The following BARD1 variants were observed in gnomAD, a reference collection of about 807,000 sequenced individuals.
BARD1 encodes the protein BRCA1-associated RING domain protein 1.
BARD1 carries 73 observed loss-of-function variants against 77.0 expected under a neutral mutation model. That is an observed-to-expected ratio of 0.95 (90% confidence interval 0.79 to 1.15). The LOEUF is 1.15. Ranked by LOEUF, BARD1 falls within the 50% of genes most tolerant of loss-of-function variation. The pLI is 0.00. For synonymous variants in BARD1, 384 were observed against 338.0 expected (o/e 1.14, Z -1.49); for missense variants, 993 against 938.8 (o/e 1.06, Z -0.75).
intron 4 of BARD1, among the ~76,000 whole-genome samples, chr2:214,777,496 T>C (rs1694786042): frequency 6.6e-6 from 1 of 152,198 alleles, no homozygotes; most frequent in Admixed American, 6.5e-5. Flanking sequence ...CTATAGAAAC[T>C]GCAAGTTTAC....
Position 214,767,443 on chromosome 2 carries a change from G to C in BARD1, c.1568+39C>G, listed in dbSNP as rs376144135. On this transcript the variant is annotated intron_variant, in intron 6 of 10. Transcript: ENST00000260947. ...TCACACACCTTGATTCAAGAATATA[G>C]GTCCATTTTAAAAATAATTTTTACG... 1.1e-4 allele frequency: 167 copies of C among 1,584,336 alleles called. No individual in the cohort carries two copies. Among genetic ancestry groups the C allele is most frequent in the Non-Finnish European group, 2.6e-5 (30 of 1,153,698 alleles).
At chr2:214,799,088 G>A (rs1695892854) in intron 1 of BARD1, among the ~76,000 whole-genome samples, 1 of 152,136 alleles carries the variant, frequency 6.6e-6, no homozygotes, top group Non-Finnish European at 1.5e-5. Context: ...CTGCACTCCA[G>A]ACTGGGTGAC....
intron 6 of BARD1, among the ~76,000 whole-genome samples, chr2:214,754,236 C>T (rs1693591698): frequency 6.6e-6 from 1 of 151,170 alleles, no homozygotes; most frequent in Admixed American, 6.6e-5. Flanking sequence ...ACAACAACAA[C>T]ATATAATGGC....
At chr2:214,774,346 T>C (rs1178280950) in intron 4 of BARD1, among the ~76,000 whole-genome samples, 2 of 152,230 alleles carry the variant, frequency 1.3e-5, no homozygotes, top group Non-Finnish European at 2.9e-5. Flanking sequence ...ACAACAGCTA[T>C]AGCCTTACAA....
intron 8 of BARD1, 122 bp from the exon 9 acceptor site, chr2:214,745,281 T>A (rs1693050486): frequency 1.2e-6 from 1 of 826,722 alleles, no homozygotes; most frequent in Non-Finnish European, 2.0e-6. Context: ...GGCAACAATT[T>A]TTACACTTAA....
At chr2:214,801,050 G>A (rs1432972563) in intron 1 of BARD1, among the ~76,000 whole-genome samples, 2 of 152,118 alleles carry the variant, frequency 1.3e-5, no homozygotes, top group African/African-American at 2.4e-5. Context: ...AAAGACAAAA[G>A]ATGTTTCTGA....
intron 4 of BARD1, among the ~76,000 whole-genome samples, chr2:214,776,181 T>C (rs1006653446): frequency 6.6e-6 from 1 of 152,146 alleles, no homozygotes. Flanking sequence ...GCATAAATTA[T>C]GAGTAGTCAT....
chr2:214,784,381 A>T (rs1695175261), intron 3 of BARD1, among the ~76,000 whole-genome samples: 1 of 152,170 alleles, frequency 6.6e-6, no homozygotes, highest in Admixed American at 6.5e-5. Flanking sequence ...GAAACAACAG[A>T]TGCTGGAGAG....
chr2:214,794,612 C>T (rs921987715), intron 2 of BARD1, among the ~76,000 whole-genome samples: 11 of 151,914 alleles, frequency 7.2e-5, no homozygotes, highest in African/African-American at 1.9e-4. Flanking sequence ...CAGTTTTGTA[C>T]GGTAAATGCA....
intron 9 of BARD1, among the ~76,000 whole-genome samples, chr2:214,733,934 G>C (rs371274045): frequency 6.6e-6 from 1 of 152,088 alleles, no homozygotes; most frequent in Admixed American, 6.5e-5. Context: ...CTTATACATA[G>C]ACAAACATGA....
chr2:214,795,263 A>G (rs1695707924), intron 2 of BARD1, among the ~76,000 whole-genome samples: 1 of 152,190 alleles, frequency 6.6e-6, no homozygotes. Flanking sequence ...AATCTGGCAT[A>G]AGTACATTTC....
At chr2:214,772,090 A>G (rs746220518) in intron 4 of BARD1, among the ~76,000 whole-genome samples, 4 of 152,050 alleles carry the variant, frequency 2.6e-5, no homozygotes, top group African/African-American at 4.8e-5. Context: ...CCTCAGCCTC[A>G]GCAGTATGCT....
chr2:214,787,334 C>A (rs1695318475), intron 3 of BARD1, among the ~76,000 whole-genome samples: 1 of 151,826 alleles, frequency 6.6e-6, no homozygotes, highest in South Asian at 2.1e-4. Context: ...GATATGAACA[C>A]AATTTTACTA....
chr2:214,732,535 ACAGGCGCCC>A (rs1692402702), intron 9 of BARD1, among the ~76,000 whole-genome samples: 1 of 152,002 alleles, frequency 6.6e-6, no homozygotes, highest in Non-Finnish European at 1.5e-5. Context: ...AGCTGGGACT[ACAGGCGCCC>A]GCCACCATGT....
chr2:214,752,941 T>C (rs568150537), intron 6 of BARD1, among the ~76,000 whole-genome samples: 12 of 152,260 alleles, frequency 7.9e-5, no homozygotes, highest in African/African-American at 2.9e-4. Context: ...ATTAGATAAA[T>C]TCACAGGACA....
rs148460292 is a variant in BARD1 at position 214,768,773 on chromosome 2, A to C, written c.1395+459T>G. ...CCTTTAAAAATGTTTAATGTAAGCA[A>C]AGATTTCTACTGCCTTATATATCTA... is the stretch of plus-strand genomic sequence containing the variant. On this transcript the variant is annotated intron_variant, in intron 5 of 10. Transcript: ENST00000260947. Among the ~76,000 whole-genome samples, 1,484 of 152,342 alleles carry C rather than the reference A, an allele frequency of 9.7e-3. 23 individuals carry two copies. Among genetic ancestry groups the C allele is most frequent in the African/African-American group, 0.033 (1,382 of 41,574 alleles).
intron 7 of BARD1, among the ~76,000 whole-genome samples, chr2:214,751,306 T>A (rs7596014): frequency 0.011 from 1,701 of 149,968 alleles, 42 homozygotes; most frequent in African/African-American, 0.039. Context: ...TACAGACGCA[T>A]ACCGCCACAC....
intron 7 of BARD1, among the ~76,000 whole-genome samples, chr2:214,746,395 G>A (rs1693117215): frequency 6.6e-6 from 1 of 152,074 alleles, no homozygotes; most frequent in Admixed American, 6.5e-5. Context: ...CAAAACTTAG[G>A]AGATCAGATC....
chr2:214,751,135 ATATATATATATATATATTTTTTTTTT>A (rs1693412076), intron 7 of BARD1, among the ~76,000 whole-genome samples: 1 of 16,870 alleles, frequency 5.9e-5, no homozygotes, highest in Admixed American at 1.1e-3. Context: ...ATATATATAT[ATATATATATATATATATTTTTTTTTT>A]TTTTTTTTTT....
Sources: allele counts gnomAD v4.1 joint callset (sites outside exome capture counted in the v4.1 genomes callset), GRCh38; gene constraint gnomAD v4.1.1; transcripts MANE v1.5; gene names NCBI Gene and HGNC (gene_info 2026-07-23, HGNC 2026-07-21).